DPYSL2: variants seen among roughly 807,000 people sequenced by gnomAD.
The protein encoded by DPYSL2 is dihydropyrimidinase-related protein 2.
Under a neutral mutation model 69.9 loss-of-function variants are expected in DPYSL2, and 13 were observed. That is an observed-to-expected ratio of 0.19 (90% CI 0.12 to 0.30). The LOEUF (loss-of-function observed/expected upper bound fraction) is 0.30, where lower values mean the gene tolerates loss of function less well. DPYSL2 is among the 10% of genes least tolerant of loss of function. DPYSL2 has a pLI of 1.00. For missense variants in DPYSL2, 587 were observed against 918.9 expected (o/e 0.64, Z 4.67); for synonymous variants, 326 against 359.1 (o/e 0.91, Z 1.04).
chr8:26,569,695 G>C (rs1193565149), intron 1 of DPYSL2, among the ~76,000 whole-genome samples: 1 of 152,174 alleles, frequency 6.6e-6, no homozygotes, highest in Admixed American at 6.5e-5. Flanking sequence ...TAAAGAGATA[G>C]TGCTGAGACA....
At chr8:26,546,129 A>G (rs1477739826) in intron 1 of DPYSL2, among the ~76,000 whole-genome samples, 3 of 152,208 alleles carry the variant, frequency 2.0e-5, no homozygotes, top group African/African-American at 7.2e-5. Flanking sequence ...GAACTTGGGA[A>G]TATTTCTTCA....
intron 3 of DPYSL2, among the ~76,000 whole-genome samples, chr8:26,595,068 A>G (rs56985226): frequency 0.013 from 1,913 of 152,072 alleles, 44 homozygotes; most frequent in African/African-American, 0.044. Context: ...AAATAAAAAT[A>G]AAAAATTAGC....
intron 1 of DPYSL2, among the ~76,000 whole-genome samples, chr8:26,552,538 A>G (rs1800887258): frequency 1.3e-5 from 2 of 152,212 alleles, no homozygotes; most frequent in Non-Finnish European, 2.9e-5. Flanking sequence ...ATTTATAAAG[A>G]AAGGAAAGTT....
rs760609825 is a variant in DPYSL2 at position 26,588,420 on chromosome 8, T to C, written c.628+4437T>C. ...TATTCGAATCTGGTGCTTGGGGAGCTTTTTGAAAGCATGACTTTCAGGGGT... is the reference window on the plus strand; with the variant it reads ...TATTCGAATCTGGTGCTTGGGGAGCCTTTTGAAAGCATGACTTTCAGGGGT... On this transcript the variant is annotated intron_variant, in intron 3 of 13. Coordinates refer to ENST00000521913, the MANE Select transcript of DPYSL2 (RefSeq NM_001197293.3). The surrounding 1 kb of genome is among the most constrained non-coding windows in gnomAD (Gnocchi z 5.4). Among the ~76,000 whole-genome samples, 1 of 152,130 alleles carries C rather than the reference T, an allele frequency of 6.6e-6. No homozygotes were observed. Among genetic ancestry groups the C allele is most frequent in the African/African-American group, 2.4e-5 (1 of 41,426 alleles).
chr8:26,514,712 A>G lies in DPYSL2; in HGVS notation c.354+33A>G. The G allele has an allele frequency of 1.3e-6, 1 of 757,432 alleles. No homozygotes were observed. Among genetic ancestry groups the G allele is most frequent in the Non-Finnish European group, 1.8e-6 (1 of 543,862 alleles). The allele number at this position is 757,432 out of a possible 1,614,324, so 46.9% of individuals were successfully genotyped here. On this transcript the variant is annotated intron_variant, in intron 1 of 13. Coordinates refer to ENST00000521913, the MANE Select transcript of DPYSL2 (RefSeq NM_001197293.3). This position sits in a 1 kb window ranked among gnomAD's most constrained non-coding sequence, Gnocchi z 8.4. The stretch of plus-strand genomic sequence containing the variant: ...TGGGGGTTGGGGGTGGAGACGGAGG[A>G]CGGGGCGCGGGGATCGCCCCTCCCT...
At chr8:26,538,476 GA>G (rs1045703397) in intron 1 of DPYSL2, among the ~76,000 whole-genome samples, 5 of 152,138 alleles carry the variant, frequency 3.3e-5, no homozygotes, top group African/African-American at 9.7e-5. Context: ...CCCTGTGGGG[GA>G]AAAAGGGAGC....
chr8:26,632,520 A>G (rs1372717594), intron 7 of DPYSL2, among the ~76,000 whole-genome samples: 1 of 152,178 alleles, frequency 6.6e-6, no homozygotes, highest in East Asian at 1.9e-4. Context: ...TGGACAGGTC[A>G]TTTCCCTTTC....
At chr8:26,539,240 G>A (rs80021500) in intron 1 of DPYSL2, among the ~76,000 whole-genome samples, 10,808 of 152,226 alleles carry the variant, frequency 0.071, 456 homozygotes, top group South Asian at 0.22. Context: ...AACTAATTTA[G>A]CTTATGGGTA....
In DPYSL2 at chr8:26,520,041, G is replaced by C. The variant is rs113930831; in HGVS notation, c.354+5362G>C. Among the ~76,000 whole-genome samples, 389 of 152,356 alleles carry C rather than the reference G, an allele frequency of 2.6e-3. 1 individual carries two copies. The highest frequency in any genetic ancestry group is 9.2e-3 in the African/African-American group (381 of 41,578). On this transcript the variant is annotated intron_variant, in intron 1 of 13. Transcript: ENST00000521913. ...ATGTTGTGGGAGGGACCTGGAGGGAGATAATTGAATTGTTGGGGTGGTTTC... is the reference window on the plus strand; with the variant it reads ...ATGTTGTGGGAGGGACCTGGAGGGACATAATTGAATTGTTGGGGTGGTTTC...
At chr8:26,527,693 AAAC>A (rs936536786) in intron 1 of DPYSL2, among the ~76,000 whole-genome samples, 3 of 152,242 alleles carry the variant, frequency 2.0e-5, no homozygotes, top group African/African-American at 7.2e-5. Flanking sequence ...TTCATAAAAT[AAAC>A]AACATCTTAG....
chr8:26,537,611 T>TACACACACACACAC (rs56080102), intron 1 of DPYSL2, among the ~76,000 whole-genome samples: 42,800 of 147,428 alleles, frequency 0.29, 7,373 homozygotes, highest in East Asian at 0.61. Context: ...ATTCTCTCTC[T>TACACACACACACAC]ACACACACAC....
At chr8:26,570,781 C>G (rs1704085974) in intron 1 of DPYSL2, among the ~76,000 whole-genome samples, 2 of 144,008 alleles carry the variant, frequency 1.4e-5, no homozygotes, top group South Asian at 2.2e-4. Context: ...GCCCCTTGGG[C>G]TTTGGGGTCA....
chr8:26,651,273 C>T (rs1009870677), intron 11 of DPYSL2, among the ~76,000 whole-genome samples: 11 of 152,174 alleles, frequency 7.2e-5, no homozygotes, highest in African/African-American at 2.7e-4. Context: ...CTGAGCTGGC[C>T]GAATCCGTGT....
intron 3 of DPYSL2, among the ~76,000 whole-genome samples, chr8:26,623,044 G>T (rs1441552948): frequency 1.3e-5 from 2 of 152,228 alleles, no homozygotes; most frequent in Non-Finnish European, 2.9e-5. Context: ...TAGTGCTTGT[G>T]TGCAGAAGAT....
intron 1 of DPYSL2, among the ~76,000 whole-genome samples, chr8:26,526,995 G>A (rs959754876): frequency 2.6e-5 from 4 of 152,262 alleles, no homozygotes; most frequent in Admixed American, 2.0e-4. Context: ...GGCTAATGCT[G>A]TAGTTGACAA....
intron 3 of DPYSL2, among the ~76,000 whole-genome samples, chr8:26,592,863 A>G (rs750032147): frequency 6.6e-5 from 10 of 152,142 alleles, no homozygotes; most frequent in Non-Finnish European, 1.5e-4. Flanking sequence ...TCTGACCCCA[A>G]GTCACCCATT....
At chr8:26,631,850 G>T (rs545094214) in intron 7 of DPYSL2, among the ~76,000 whole-genome samples, 1 of 152,174 alleles carries the variant, frequency 6.6e-6, no homozygotes, top group Non-Finnish European at 1.5e-5. Context: ...GCCGGCTGAC[G>T]TCTCCTCTCA....
chr8:26,626,500 C>T lies in DPYSL2; in HGVS notation c.794-117C>T. 1.3e-6 allele frequency: 1 copy of T among 753,284 alleles called. No homozygotes were observed. The highest frequency in any genetic ancestry group is 2.2e-6 in the Non-Finnish European group (1 of 452,426). 46.7% of individuals were successfully genotyped at this position (753,284 alleles called of 1,614,324 possible). A position where few individuals can be genotyped will look rare whatever the true frequency, so the allele number is the denominator to read the frequency against. ...GTACTGAAACACACACACACACACA[C>T]ACACACACACACACACACACACGTA... On this transcript the variant is annotated intron_variant, in intron 4 of 13. Coordinates refer to ENST00000521913, the MANE Select transcript of DPYSL2 (RefSeq NM_001197293.3). The surrounding 1 kb of genome is among the most constrained non-coding windows in gnomAD (Gnocchi z 4.3).
Position 26,650,997 on chromosome 8 carries a change from C to T in DPYSL2, c.1597-1260C>T, listed in dbSNP as rs563572209. 2.6e-5 allele frequency among the ~76,000 whole-genome samples: 4 copies of T among 152,282 alleles called. No homozygotes were observed. The South Asian group carries it at 6.2e-4, about 24-fold the overall frequency. On this transcript the variant is annotated intron_variant, in intron 11 of 13. Coordinates refer to ENST00000521913, the MANE Select transcript of DPYSL2 (RefSeq NM_001197293.3). This position sits in a 1 kb window ranked among gnomAD's most constrained non-coding sequence, Gnocchi z 5.3. ...GGATTTAGTCTAGGCTGGCAGTACC[C>T]GCGTGGCTCCGGCTGCTATAAGACA...
Sources: allele counts gnomAD v4.1 joint callset (sites outside exome capture counted in the v4.1 genomes callset), GRCh38; gene constraint gnomAD v4.1.1; non-coding constraint Gnocchi (gnomAD v3.1); transcripts MANE v1.5; gene names NCBI Gene and HGNC (gene_info 2026-07-23, HGNC 2026-07-21).